Variants in WDPCP observed in about 807,000 individuals in gnomAD.
The protein encoded by WDPCP is WD repeat containing planar cell polarity effector, also known as WD repeat-containing and planar cell polarity effector protein fritz homolog.
Under a neutral mutation model 93.1 loss-of-function variants are expected in WDPCP, and 71 were observed. The observed-to-expected ratio is 0.76, with a 90% CI of 0.63 to 0.93. The LOEUF (loss-of-function observed/expected upper bound fraction) is 0.93, where lower values mean the gene tolerates loss of function less well. Among genes scored for constraint, WDPCP ranks in the 40% least tolerant of loss-of-function variants. The pLI, the probability that WDPCP is intolerant of heterozygous loss-of-function variation, is 0.00. For missense variants in WDPCP, 844 were observed against 887.4 expected (o/e 0.95, Z 0.62); for synonymous variants, 315 against 315.0 (o/e 1.00, Z 0.00).
rs945520056 is a variant in WDPCP, at chr2:63,277,013, G to A, written c.1813-17604C>T. Among the ~76,000 whole-genome samples, 4 of 152,312 alleles carry A rather than the reference G, an allele frequency of 2.6e-5. No homozygotes were observed. The Middle Eastern group carries it at 0.01, about 389-fold the overall frequency. On this transcript the variant is annotated intron_variant, in intron 13 of 17. Coordinates refer to ENST00000272321, the MANE Select transcript of WDPCP (RefSeq NM_015910.7). ...GTAACCTATAAAGGAAAACCTATCA[G>A]AGTAACGCATATTTCTCAGCAGAAA...
chr2:63,453,011 A>T (rs1698365086), intron 6 of WDPCP, among the ~76,000 whole-genome samples: 1 of 152,218 alleles, frequency 6.6e-6, no homozygotes, highest in African/African-American at 2.4e-5. Flanking sequence ...CCTAGGCAAT[A>T]CCATTCAGGA....
intron 6 of WDPCP, among the ~76,000 whole-genome samples, chr2:63,455,761 T>C (rs1360505770): frequency 6.6e-6 from 1 of 152,114 alleles, no homozygotes; most frequent in East Asian, 1.9e-4. Flanking sequence ...ACTCTCAGCA[T>C]TAGCCAGATC....
chr2:63,403,041 A>G (rs1391328843), intron 10 of WDPCP, among the ~76,000 whole-genome samples: 1 of 152,212 alleles, frequency 6.6e-6, no homozygotes, highest in Non-Finnish European at 1.5e-5. Flanking sequence ...ATGCCCATCA[A>G]TCACAGACTG....
intron 1 of WDPCP, among the ~76,000 whole-genome samples, chr2:63,547,574 C>CAT (rs3077061): frequency 0.79 from 119,116 of 151,176 alleles, 47,823 homozygotes; most frequent in East Asian, 0.97. Context: ...CACACACACA[C>CAT]ACATACACAC....
intron 3 of WDPCP, 62 bp downstream of exon 3, chr2:63,487,381 GGTCA>G (rs1279286329): frequency 1.6e-5 from 18 of 1,142,614 alleles, no homozygotes; most frequent in East Asian, 4.9e-5. Flanking sequence ...AGCTTTTAAT[GGTCA>G]GTATTTCATG....
intron 10 of WDPCP, among the ~76,000 whole-genome samples, chr2:63,388,961 T>C (rs906512791): frequency 3.3e-5 from 5 of 152,152 alleles, no homozygotes; most frequent in South Asian, 2.1e-4. Context: ...TGGAACCAAG[T>C]TGGAAAACAC....
chr2:63,581,206 G>A (rs1708474071), intron 1 of WDPCP, among the ~76,000 whole-genome samples: 1 of 152,192 alleles, frequency 6.6e-6, no homozygotes, highest in Admixed American at 6.5e-5. Context: ...CTTTGTGTGA[G>A]AGAATGTACA....
At position 63,484,952 on chromosome 2, in the gene WDPCP, G is replaced by T. The variant is rs760148866; in HGVS notation, c.289C>A (p.Pro97Thr). ...DYPWTLKNRRPEKLRDSLKEL... is the reference protein window; with the variant it reads ...DYPWTLKNRRTEKLRDSLKEL... Reference sequence around the variant, plus strand: ...TTGAGCGAGTCTCGGAGTTTTTCTGGGCGTCTGTTTTTGAGCGTCCAAGGA... The same window carrying T: ...TTGAGCGAGTCTCGGAGTTTTTCTGTGCGTCTGTTTTTGAGCGTCCAAGGA... Residue 97 changes from proline to threonine, a missense_variant, in exon 5 of 18, where the codon CCA becomes ACA. Physicochemically the swap from Pro to Thr is conservative, Grantham distance 38. Coordinates refer to ENST00000272321, the MANE Select transcript of WDPCP (RefSeq NM_015910.7). The T allele has an allele frequency of 8.7e-6, 14 of 1,612,436 alleles. No individual in the cohort carries two copies. Among genetic ancestry groups the T allele is most frequent in the African/African-American group, 1.3e-5 (1 of 74,782 alleles).
intron 1 of WDPCP, among the ~76,000 whole-genome samples, chr2:63,537,821 T>G (rs1354285437): frequency 6.6e-6 from 1 of 152,204 alleles, no homozygotes; most frequent in African/African-American, 2.4e-5. Flanking sequence ...TTTACTTGTT[T>G]GTCTCCTGCA....
intron 2 of WDPCP, among the ~76,000 whole-genome samples, chr2:63,712,430 A>G (rs1305242850): frequency 6.6e-6 from 1 of 152,248 alleles, no homozygotes; most frequent in Non-Finnish European, 1.5e-5. Flanking sequence ...CTCCCATAGC[A>G]AGAATAATTT....
At chr2:63,531,381 C>G (rs1414160200) in intron 1 of WDPCP, among the ~76,000 whole-genome samples, 1 of 152,220 alleles carries the variant, frequency 6.6e-6, no homozygotes, top group Non-Finnish European at 1.5e-5. Flanking sequence ...AATGGACAGA[C>G]TGCATCCTCA....
intron 6 of WDPCP, among the ~76,000 whole-genome samples, chr2:63,458,432 T>A (rs1314887042): frequency 1.3e-5 from 2 of 151,638 alleles, no homozygotes; most frequent in Non-Finnish European, 2.9e-5. Flanking sequence ...CATGTAAAAA[T>A]CAGTATACAA....
At chr2:63,759,088 A>G (rs141870548) in intron 2 of WDPCP, among the ~76,000 whole-genome samples, 105 of 152,206 alleles carry the variant, frequency 6.9e-4, no homozygotes, top group African/African-American at 2.3e-3. Context: ...GCCAAAAAAA[A>G]AAGCTCCAGA....
chr2:63,449,720 G>A (rs1698105858), intron 6 of WDPCP, among the ~76,000 whole-genome samples: 1 of 151,996 alleles, frequency 6.6e-6, no homozygotes, highest in Non-Finnish European at 1.5e-5. Context: ...ACTTGTACTG[G>A]GTCATGGACC....
intron 1 of WDPCP, among the ~76,000 whole-genome samples, chr2:63,530,984 C>G (rs1217499805): frequency 6.6e-6 from 1 of 152,224 alleles, no homozygotes; most frequent in African/African-American, 2.4e-5. Context: ...GGGACACTCC[C>G]GCCCTAATAC....
chr2:63,742,805 T>C (rs1344343930), intron 2 of WDPCP, among the ~76,000 whole-genome samples: 1 of 151,150 alleles, frequency 6.6e-6, no homozygotes, highest in African/African-American at 2.4e-5. Flanking sequence ...GGAAACTCTA[T>C]ACCCAGTCCT....
In WDPCP at chr2:63,137,052, A is replaced by G. The variant is rs771077154; in HGVS notation, c.2191-14996T>C. Among the ~76,000 whole-genome samples, 132 of 152,152 alleles carry G rather than the reference A, an allele frequency of 8.7e-4. 2 individuals are homozygous for G. Among genetic ancestry groups the G allele is most frequent in the Non-Finnish European group, 3.8e-4 (26 of 68,022 alleles). On this transcript the variant is annotated intron_variant, in intron 17 of 17. Coordinates refer to ENST00000272321, the MANE Select transcript of WDPCP (RefSeq NM_015910.7). Reference sequence around the variant, plus strand: ...GCATGTCTTTATAACAGAATGATCTATATTTCTTTGAGTGTATACTCAGTA... The same window carrying G: ...GCATGTCTTTATAACAGAATGATCTGTATTTCTTTGAGTGTATACTCAGTA...
chr2:63,831,009 G>T (rs938276162), upstream of WDPCP, among the ~76,000 whole-genome samples: 1 of 151,896 alleles, frequency 6.6e-6, no homozygotes, highest in African/African-American at 2.4e-5. Flanking sequence ...GACCAAAATG[G>T]ATCTCTATCT....
At chr2:63,161,531 T>A (rs1257772403) in intron 15 of WDPCP, among the ~76,000 whole-genome samples, 1 of 152,170 alleles carries the variant, frequency 6.6e-6, no homozygotes, top group African/African-American at 2.4e-5. Context: ...CTTCAATATT[T>A]CATTATTCAC....
Sources: allele counts gnomAD v4.1 joint callset (sites outside exome capture counted in the v4.1 genomes callset), GRCh38; gene constraint gnomAD v4.1.1; transcripts MANE v1.5; gene names NCBI Gene and HGNC (gene_info 2026-07-23, HGNC 2026-07-21).